The following MYLK4 variants were observed in gnomAD, a reference collection of about 807,000 sequenced individuals.
MYLK4 encodes the protein myosin light chain kinase family member 4.
In MYLK4, 46 loss-of-function variants were observed where a neutral mutation model predicts 48.1. The ratio of observed to expected loss-of-function variants is 0.96; its 90% CI spans 0.75 to 1.22. The LOEUF is 1.22. Ranked by LOEUF, MYLK4 falls within the 50% of genes most tolerant of loss-of-function variation. The pLI is 0.00. For synonymous variants in MYLK4, 170 were observed against 180.8 expected (o/e 0.94, Z 0.48); for missense variants, 451 against 486.1 (o/e 0.93, Z 0.68).
At chr6:2,737,111 G>A (rs888083086) in intron 2 of MYLK4, among the ~76,000 whole-genome samples, 3 of 152,114 alleles carry the variant, frequency 2.0e-5, no homozygotes, top group East Asian at 1.9e-4. Context: ...TCAAGAGATC[G>A]AGACCATCCT....
At chr6:2,693,345 T>C (rs1761888251) in intron 2 of MYLK4, among the ~76,000 whole-genome samples, 1 of 152,238 alleles carries the variant, frequency 6.6e-6, no homozygotes, top group Non-Finnish European at 1.5e-5. Context: ...GTTGTCTTGA[T>C]ATGGTTGACA....
intron 2 of MYLK4, among the ~76,000 whole-genome samples, chr6:2,745,309 G>GA (rs374589438): frequency 0.038 from 5,835 of 151,626 alleles, 140 homozygotes; most frequent in Non-Finnish European, 0.058. Flanking sequence ...ACTGACAAAA[G>GA]AAAAAAAACC....
intron 4 of MYLK4, among the ~76,000 whole-genome samples, chr6:2,688,162 G>A (rs2004624): frequency 0.38 from 57,297 of 151,586 alleles, 11,454 homozygotes; most frequent in African/African-American, 0.52. Flanking sequence ...TGGTTCAAGC[G>A]ATTCTCCTGC....
chr6:2,697,075 GAAATA>G (rs1458782660), intron 2 of MYLK4, among the ~76,000 whole-genome samples: 21 of 152,126 alleles, frequency 1.4e-4, no homozygotes, highest in South Asian at 4.1e-4. Flanking sequence ...AAAATAAAAT[GAAATA>G]AAATAAAATA....
chr6:2,673,410 TAAA>T lies in MYLK4; in HGVS notation c.1119+1634_1119+1636del. Among the ~76,000 whole-genome samples the T allele has an allele frequency of 6.6e-6, 1 of 152,186 alleles. No homozygotes were observed. The highest frequency in any genetic ancestry group is 1.9e-4 in the East Asian group (1 of 5,194). On this transcript the variant is annotated intron_variant, in intron 11 of 12. Coordinates refer to ENST00000274643, the MANE Select transcript of MYLK4 (RefSeq NM_001012418.5). This position sits in a 1 kb window ranked among gnomAD's most constrained non-coding sequence, Gnocchi z 4.2. ...AATTTAGAAGTAAAGTTAATTTCAA[TAAA>T]AACTGGATGTGGAAAAAGTGAGTAC...
Position 2,733,471 on chromosome 6 carries a change from G to C in MYLK4, c.159+15665C>G, listed in dbSNP as rs1763550540. ...CAATGGTATCAGCCAAAATGAGCAT[G>C]GAGTGTTCACTCAGAATGAGGAACC... On this transcript the variant is annotated intron_variant, in intron 2 of 12. Coordinates refer to ENST00000274643, the MANE Select transcript of MYLK4 (RefSeq NM_001012418.5). Among the ~76,000 whole-genome samples the C allele has an allele frequency of 2.0e-5, 3 of 152,164 alleles. No individual in the cohort carries two copies. The South Asian group carries it at 6.2e-4, about 31-fold the overall frequency.
At chr6:2,682,728 G>T (rs959119497) in intron 7 of MYLK4, among the ~76,000 whole-genome samples, 2 of 152,180 alleles carry the variant, frequency 1.3e-5, no homozygotes, top group African/African-American at 2.4e-5. Flanking sequence ...CGTGGATACC[G>T]CTGTGGTGGT....
chr6:2,675,748 A>G (rs1171475956), intron 10 of MYLK4, among the ~76,000 whole-genome samples: 1 of 152,246 alleles, frequency 6.6e-6, no homozygotes, highest in Non-Finnish European at 1.5e-5. Context: ...AGTTCTATAC[A>G]TTTGTTTGAT....
At chr6:2,740,977 C>A (rs997061850) in intron 2 of MYLK4, among the ~76,000 whole-genome samples, 4 of 152,204 alleles carry the variant, frequency 2.6e-5, no homozygotes, top group Non-Finnish European at 5.9e-5. Context: ...GGTTTTAGAT[C>A]ATACAGTAAC....
At chr6:2,681,166 C>G (rs1335241339) in intron 7 of MYLK4, among the ~76,000 whole-genome samples, 1 of 152,178 alleles carries the variant, frequency 6.6e-6, no homozygotes, top group Non-Finnish European at 1.5e-5. Flanking sequence ...CTGGAGGGCA[C>G]CATCCCAGAA....
At chr6:2,757,134 G>A in the MYLK4 span, among the ~76,000 whole-genome samples, 1 of 139,364 alleles carries the variant, frequency 7.2e-6, no homozygotes, top group African/African-American at 2.7e-5. Context: ...ACTCTCAGAG[G>A]TGTGCTTTTT....
intron 2 of MYLK4, among the ~76,000 whole-genome samples, chr6:2,713,610 T>C (rs1015602016): frequency 7.2e-5 from 11 of 152,172 alleles, no homozygotes; most frequent in Non-Finnish European, 1.5e-5. Flanking sequence ...GCTCTCCCTT[T>C]ACGTAACAGG....
At chr6:2,766,518 G>C in the MYLK4 span, 2 of 1,432,256 alleles carry the variant, frequency 1.4e-6, no homozygotes, top group Non-Finnish European at 1.8e-6. Context: ...GGAGAGCCGG[G>C]TGTGCTGCCC....
At chr6:2,761,550 G>A in the MYLK4 span, among the ~76,000 whole-genome samples, 3 of 152,142 alleles carry the variant, frequency 2.0e-5, no homozygotes, top group African/African-American at 7.2e-5. Flanking sequence ...AGGACCTACT[G>A]GGTGCCAGGC....
chr6:2,738,052 A>G (rs1170106917), intron 2 of MYLK4, among the ~76,000 whole-genome samples: 1 of 143,490 alleles, frequency 7.0e-6, no homozygotes, highest in Non-Finnish European at 1.5e-5. Flanking sequence ...AATATCCTTG[A>G]TGTCATAGAA....
At chr6:2,737,089 C>G (rs1763706361) in intron 2 of MYLK4, among the ~76,000 whole-genome samples, 1 of 152,114 alleles carries the variant, frequency 6.6e-6, no homozygotes, top group African/African-American at 2.4e-5. Context: ...CCGAGGTGGG[C>G]AGATCACGAG....
At chr6:2,732,408 T>C (rs149848752) in intron 2 of MYLK4, among the ~76,000 whole-genome samples, 10 of 152,252 alleles carry the variant, frequency 6.6e-5, no homozygotes, top group Middle Eastern at 3.4e-3. Context: ...GGAAACCCCA[T>C]TTCTTTGGCC....
chr6:2,758,743 T>G, the MYLK4 span, among the ~76,000 whole-genome samples: 4 of 152,246 alleles, frequency 2.6e-5, no homozygotes, highest in Non-Finnish European at 5.9e-5. Context: ...TTTGTATTAT[T>G]TTCTTAGTTT....
chr6:2,698,839 C>T (rs1326293378), intron 2 of MYLK4, among the ~76,000 whole-genome samples: 6 of 152,178 alleles, frequency 3.9e-5, no homozygotes, highest in African/African-American at 1.2e-4. Flanking sequence ...ACCCTGAAGT[C>T]CTGGGTGATA....
Sources: allele counts gnomAD v4.1 joint callset (sites outside exome capture counted in the v4.1 genomes callset), GRCh38; gene constraint gnomAD v4.1.1; non-coding constraint Gnocchi (gnomAD v3.1); transcripts MANE v1.5; gene names NCBI Gene and HGNC (gene_info 2026-07-23, HGNC 2026-07-21).